The following ATXN7 variants were observed in gnomAD, a reference collection of about 807,000 sequenced individuals.
ATXN7 encodes ataxin 7.
Under a neutral mutation model 70.5 loss-of-function variants are expected in ATXN7, and 12 were observed. The observed-to-expected ratio is 0.17, with a 90% CI of 0.11 to 0.28. ATXN7 has a LOEUF of 0.28. ATXN7 is among the 10% of genes least tolerant of loss of function. The probability of loss-of-function intolerance (pLI) is 1.00; values close to 1 mark genes in which losing one functional copy is unlikely to be tolerated. For missense variants in ATXN7, 1,256 were observed against 1,131.7 expected (o/e 1.11, Z -1.58); for synonymous variants, 498 against 448.7 (o/e 1.11, Z -1.39).
rs1008897959 is a variant in ATXN7 at position 63,997,578 on chromosome 3, C to G, written c.2661+1095C>G. On this transcript the variant is annotated intron_variant, in intron 12 of 12. Transcript: ENST00000674280. Reference sequence around the variant, plus strand: ...GCTGTTTCTTCCAGCTTCCTTTGCTCTAACTTCCAGCTCATCTCTCATCTT... The same window carrying G: ...GCTGTTTCTTCCAGCTTCCTTTGCTGTAACTTCCAGCTCATCTCTCATCTT... 3.3e-6 allele frequency: 5 copies of G among 1,521,502 alleles called. No individual in the cohort carries two copies. In the Admixed American group the frequency reaches 5.9e-5, roughly 18 times the overall value. 94.3% of individuals were successfully genotyped at this position (1,521,502 alleles called of 1,614,324 possible).
chr3:63,940,940 A>T, intron 4 of ATXN7, among the ~76,000 whole-genome samples: 1 of 152,192 alleles, frequency 6.6e-6, no homozygotes, highest in Admixed American at 6.5e-5. Context: ...ATTTGCTGAC[A>T]GTATTTTGAG....
At chr3:63,971,044 G>T (rs73834157) in intron 5 of ATXN7, among the ~76,000 whole-genome samples, 1 of 152,192 alleles carries the variant, frequency 6.6e-6, no homozygotes. Flanking sequence ...TCCGCATTAG[G>T]GGGAGGAGAG....
intron 4 of ATXN7, among the ~76,000 whole-genome samples, chr3:63,947,793 A>G (rs2074888287): frequency 6.6e-6 from 1 of 152,118 alleles, no homozygotes; most frequent in South Asian, 2.1e-4. Flanking sequence ...ATGTGTGAGA[A>G]TACACCAGGC....
At chr3:63,926,864 G>A (rs1709249430) in intron 4 of ATXN7, among the ~76,000 whole-genome samples, 1 of 151,876 alleles carries the variant, frequency 6.6e-6, no homozygotes, top group South Asian at 2.1e-4. Flanking sequence ...CCCTCCCTGT[G>A]TCCATGTGTT....
At position 63,947,397 on chromosome 3, in the gene ATXN7, C is replaced by T. The variant is rs1038201568; in HGVS notation, c.395-4982C>T. ...CCCAGGAGTTTGAGACCATTCTGGG[C>T]AACATAGTGAGACCCCTGTCTCTAC... On this transcript the variant is annotated intron_variant, in intron 4 of 12. Coordinates refer to ENST00000674280, the MANE Select transcript of ATXN7 (RefSeq NM_001377405.1). 3.0e-4 allele frequency among the ~76,000 whole-genome samples: 46 copies of T among 152,038 alleles called. 1 individual carries two copies. Among genetic ancestry groups the T allele is most frequent in the Non-Finnish European group, 6.5e-4 (44 of 68,012 alleles).
At chr3:63,998,739 T>C in intron 12 of ATXN7, 1 of 964,088 alleles carries the variant, frequency 1.0e-6, no homozygotes, top group Non-Finnish European at 1.2e-6. Context: ...TCGTATAGCT[T>C]TCATAAGAAT....
At chr3:63,936,399 G>A (rs2074663643) in intron 4 of ATXN7, among the ~76,000 whole-genome samples, 1 of 152,108 alleles carries the variant, frequency 6.6e-6, no homozygotes. Flanking sequence ...AATTTTCAAG[G>A]ATTATATTAG....
intron 4 of ATXN7, among the ~76,000 whole-genome samples, chr3:63,928,391 G>C (rs1704801129): frequency 7.2e-6 from 1 of 139,722 alleles, no homozygotes; most frequent in Non-Finnish European, 1.5e-5. Flanking sequence ...TTATAGCTAT[G>C]TGGTTGCATA....
rs534128953 is a variant in ATXN7, at chr3:63,977,364, T to A, written c.500-2551T>A. Among the ~76,000 whole-genome samples the A allele has an allele frequency of 6.6e-5, 10 of 152,288 alleles. No homozygotes were observed. In the East Asian group the frequency reaches 1.5e-3, roughly 24 times the overall value. The stretch of plus-strand genomic sequence containing the variant: ...TCATTTGATCTTCAAAGAAAATACA[T>A]CACACATTTGCTCTGAGACACCTGC... On this transcript the variant is annotated intron_variant, in intron 5 of 12. Coordinates refer to ENST00000674280, the MANE Select transcript of ATXN7 (RefSeq NM_001377405.1).
intron 1 of ATXN7, among the ~76,000 whole-genome samples, chr3:63,881,656 T>G (rs1001131128): frequency 6.6e-6 from 1 of 152,026 alleles, no homozygotes; most frequent in African/African-American, 2.4e-5. Flanking sequence ...GCCCAGCTAA[T>G]TTTTTGTATT....
At chr3:63,973,899 G>C (rs1346539740) in intron 5 of ATXN7, among the ~76,000 whole-genome samples, 1 of 152,060 alleles carries the variant, frequency 6.6e-6, no homozygotes, top group Non-Finnish European at 1.5e-5. Context: ...TCAAAGGTGG[G>C]CATGACAGTG....
intron 4 of ATXN7, among the ~76,000 whole-genome samples, chr3:63,946,157 GGTTTCCATTT>G (rs1310919377): frequency 6.6e-6 from 1 of 152,188 alleles, no homozygotes; most frequent in African/African-American, 2.4e-5. Flanking sequence ...GGACTACTGA[GGTTTCCATTT>G]GTAAATTTTT....
chr3:63,977,228 A>C (rs1380112136), intron 5 of ATXN7, among the ~76,000 whole-genome samples: 1 of 152,218 alleles, frequency 6.6e-6, no homozygotes, highest in Admixed American at 6.5e-5. Context: ...AAATTTCAGT[A>C]TGTTCAAATT....
intron 5 of ATXN7, chr3:63,968,101 T>G (rs2075256398): frequency 2.7e-6 from 2 of 751,058 alleles, no homozygotes; most frequent in Non-Finnish European, 4.3e-6. Context: ...GGGAAGAGTT[T>G]ATGCAGGCCT....
chr3:63,924,926 T>C (rs1388673503), intron 4 of ATXN7, among the ~76,000 whole-genome samples: 1 of 152,188 alleles, frequency 6.6e-6, no homozygotes, highest in Non-Finnish European at 1.5e-5. Context: ...AATGTTTGTC[T>C]GCCACTGGGA....
intron 4 of ATXN7, among the ~76,000 whole-genome samples, chr3:63,950,567 G>A (rs1345837436): frequency 6.6e-6 from 1 of 152,282 alleles, no homozygotes; most frequent in East Asian, 1.9e-4. Context: ...TAATTTAGAT[G>A]TATCAGAGGC....
intron 1 of ATXN7, among the ~76,000 whole-genome samples, chr3:63,896,654 T>G (rs1703457988): frequency 6.6e-6 from 1 of 152,202 alleles, no homozygotes; most frequent in Admixed American, 6.5e-5. Context: ...TACAAGCATG[T>G]AATAGGTTTT....
intron 7 of ATXN7, among the ~76,000 whole-genome samples, 191 bp downstream of exon 7, chr3:63,982,636 G>A (rs1575985593): frequency 6.6e-6 from 1 of 151,258 alleles, no homozygotes; most frequent in Non-Finnish European, 1.5e-5. Context: ...GTGTGTGTGT[G>A]TGTGTGTGTG....
At chr3:63,940,116 C>T (rs2074729826) in intron 4 of ATXN7, among the ~76,000 whole-genome samples, 2 of 152,112 alleles carry the variant, frequency 1.3e-5, no homozygotes, top group Non-Finnish European at 1.5e-5. Flanking sequence ...CACCATACTC[C>T]TGGGAATCCA....
Sources: gnomAD v4.1 joint callset for allele counts (sites outside exome capture counted in the v4.1 genomes callset) on GRCh38, gnomAD v4.1.1 for gene constraint, MANE v1.5 for transcripts, NCBI Gene and HGNC (gene_info 2026-07-23, HGNC 2026-07-21) for gene names.